KNDC1: variants seen among roughly 807,000 people sequenced by gnomAD.
KNDC1 encodes kinase non-catalytic C-lobe domain containing 1.
In KNDC1, 106 loss-of-function variants were observed where a neutral mutation model predicts 172.8. That is an observed-to-expected ratio of 0.61 (90% CI 0.52 to 0.72). The LOEUF is 0.72. Among genes scored for constraint, KNDC1 ranks in the 30% least tolerant of loss-of-function variants. The pLI, the probability that KNDC1 is intolerant of heterozygous loss-of-function variation, is 0.00. For synonymous variants in KNDC1, 1,083 were observed against 1,062.2 expected, an observed-to-expected ratio of 1.02 and a Z score of -0.38; for missense variants, 2,325 against 2,394.5, an observed-to-expected ratio of 0.97 and a Z score of 0.61.
At chr10:133,214,253 A>G (rs2136026223) in intron 26 of KNDC1, 131 bp downstream of exon 26, 1 of 965,368 alleles carries the variant, frequency 1.0e-6, no homozygotes. Context: ...GTCCCTTGGA[A>G]CCACACCCGA....
rs1385069726 is a variant in KNDC1 at position 133,160,467 on chromosome 10, G to A, written c.-1G>A. ...GGGGCGGTGCGCGGCGCGGCCGCAG[G>A]ATGCAGGCCATGGACCCGGCCGCGG... On this transcript the variant is annotated 5_prime_UTR_variant, in exon 1 of 30. Transcript: ENST00000304613. 2 of 1,544,872 alleles carry A rather than the reference G, an allele frequency of 1.3e-6. No homozygotes were observed. Among genetic ancestry groups the A allele is most frequent in the Non-Finnish European group, 1.7e-6 (2 of 1,147,450 alleles).
chr10:133,166,461 GTC>G (rs1244211384), intron 1 of KNDC1, among the ~76,000 whole-genome samples: 1 of 152,116 alleles, frequency 6.6e-6, no homozygotes, highest in East Asian at 1.9e-4. Flanking sequence ...GGGTGTGCAT[GTC>G]TGTGCGTGCA....
intron 3 of KNDC1, among the ~76,000 whole-genome samples, chr10:133,181,602 A>G (rs1032954349): frequency 1.6e-4 from 25 of 152,284 alleles, no homozygotes; most frequent in African/African-American, 4.6e-4. Flanking sequence ...GGGAGAGGGT[A>G]GAGGAGAAGC....
At chr10:133,216,092 AT>A (rs1845464559) in intron 26 of KNDC1, among the ~76,000 whole-genome samples, 1 of 152,246 alleles carries the variant, frequency 6.6e-6, no homozygotes. Context: ...TGAGTTTCAC[AT>A]TTGTAAATTC....
At chr10:133,182,112 CAG>C (rs1403771258) in intron 3 of KNDC1, among the ~76,000 whole-genome samples, 1 of 152,120 alleles carries the variant, frequency 6.6e-6, no homozygotes. Context: ...CAGACCCTGA[CAG>C]AGAGGGGGAG....
At chr10:133,177,495 T>C (rs1180085522) in intron 3 of KNDC1, among the ~76,000 whole-genome samples, 1 of 151,920 alleles carries the variant, frequency 6.6e-6, no homozygotes, top group African/African-American at 2.4e-5. Flanking sequence ...TAGTATGGTG[T>C]GTGTCATGGT....
rs1564897350 is a variant in KNDC1 at position 133,209,792 on chromosome 10, C to T, written c.3795-819C>T. ...GACCCCAGGTGAGTGGGTGACCAGG[C>T]CCCTTGTTCCAGGGCCACGCCATCT... On this transcript the variant is annotated intron_variant, in intron 20 of 29. Coordinates refer to ENST00000304613, the MANE Select transcript of KNDC1 (RefSeq NM_152643.8). The surrounding 1 kb of genome is among the most constrained non-coding windows in gnomAD (Gnocchi z 4.9). Among the ~76,000 whole-genome samples, 1 of 152,116 alleles carries T rather than the reference C, an allele frequency of 6.6e-6. No individual in the cohort carries two copies. Among genetic ancestry groups the T allele is most frequent in the African/African-American group, 2.4e-5 (1 of 41,470 alleles).
chr10:133,213,560 ACACC>A, intron 24 of KNDC1, 81 bp from the exon 25 acceptor site: 1 of 1,193,854 alleles, frequency 8.4e-7, no homozygotes, highest in Middle Eastern at 1.9e-4. Context: ...CCCCCAGAAA[ACACC>A]CACCCTCCCT....
At chr10:133,184,825 G>A (rs547082746) in intron 5 of KNDC1, among the ~76,000 whole-genome samples, 1 of 152,394 alleles carries the variant, frequency 6.6e-6, no homozygotes, top group East Asian at 1.9e-4. Flanking sequence ...AGGCATCTGG[G>A]TGTTAGTCTC....
At chr10:133,181,066 C>T (rs2135968355) in intron 3 of KNDC1, among the ~76,000 whole-genome samples, 1 of 152,310 alleles carries the variant, frequency 6.6e-6, no homozygotes, top group South Asian at 2.1e-4. Context: ...GACATGGCTG[C>T]ACAGATGCCA....
intron 4 of KNDC1, 137 bp from the exon 5 acceptor site, chr10:133,183,735 A>G: frequency 1.2e-6 from 1 of 814,822 alleles, no homozygotes; most frequent in South Asian, 1.9e-5. Flanking sequence ...CATACTAGAA[A>G]ATGGGCAAGG....
intron 3 of KNDC1, among the ~76,000 whole-genome samples, chr10:133,172,419 T>G (rs1853403979): frequency 6.6e-6 from 1 of 152,252 alleles, no homozygotes; most frequent in Non-Finnish European, 1.5e-5. Context: ...AAACCTAAAT[T>G]GGGCAAGTGT....
intron 5 of KNDC1, 55 bp from the exon 6 acceptor site, chr10:133,185,919 A>AGAGGGGAGGGGCGGGAGGG: frequency 1.6e-6 from 1 of 634,002 alleles, no homozygotes; most frequent in Non-Finnish European, 2.1e-6. Flanking sequence ...GGGCGGGAGG[A>AGAGGGGAGGGGCGGGAGGG]GAGGGGAGGG....
At position 133,216,282 on chromosome 10, in the gene KNDC1, G is replaced by GGGTCGGTT. The variant is rs529351401; in HGVS notation, c.4677+2161_4677+2162insGTCGGTTG. ...CACCTGAAGAAAATGGGGGGTCGGTGGTTCCGTTCAGACAATGTCTTGGTG... is the reference window on the plus strand; with the variant it reads ...CACCTGAAGAAAATGGGGGGTCGGTGGGTCGGTTGTTCCGTTCAGACAATGTCTTGGTG... On this transcript the variant is annotated intron_variant, in intron 26 of 29. Coordinates refer to ENST00000304613, the MANE Select transcript of KNDC1 (RefSeq NM_152643.8). Among the ~76,000 whole-genome samples, 28 of 152,238 alleles carry GGGTCGGTT rather than the reference G, an allele frequency of 1.8e-4. No individual in the cohort carries two copies. In the South Asian group the frequency reaches 5.8e-3, roughly 32 times the overall value.
chr10:133,193,080 C>T (rs1413576872), intron 9 of KNDC1, among the ~76,000 whole-genome samples: 1 of 144,900 alleles, frequency 6.9e-6, no homozygotes, highest in Admixed American at 7.1e-5. Context: ...AGAGAAACAG[C>T]AGCTTACATA....
At chr10:133,166,402 G>A (rs1306375392) in intron 1 of KNDC1, among the ~76,000 whole-genome samples, 1 of 152,212 alleles carries the variant, frequency 6.6e-6, no homozygotes, top group African/African-American at 2.4e-5. Flanking sequence ...GTGCAGCCTT[G>A]TGTGTTCCTG....
chr10:133,189,316 G>T (rs993053055), intron 7 of KNDC1, among the ~76,000 whole-genome samples: 1 of 152,168 alleles, frequency 6.6e-6, no homozygotes, highest in African/African-American at 2.4e-5. Context: ...TCAAGTTACC[G>T]TGTTCTCCCT....
intron 1 of KNDC1, among the ~76,000 whole-genome samples, chr10:133,161,818 G>C (rs779485047): frequency 4.6e-5 from 7 of 152,196 alleles, no homozygotes; most frequent in African/African-American, 1.7e-4. Flanking sequence ...CCCTGAGGAC[G>C]CAGCTCTTCC....
rs1279682191 is a variant in KNDC1 at position 133,201,660 on chromosome 10, C to T, written c.3149C>T (p.Ala1050Val). 8 of 1,612,774 alleles carry T rather than the reference C, an allele frequency of 5.0e-6. No homozygotes were observed. The highest frequency in any genetic ancestry group is 2.2e-5 in the East Asian group (1 of 44,894). Residue 1050 changes from alanine (A) to valine (V), a missense_variant, in exon 17 of 30, where the codon GCT becomes GTT. By Grantham distance (64) the Ala-to-Val change is moderately conservative. Transcript: ENST00000304613. Reference protein sequence around the residue: ...VKAERAQQPEAGEDRRPAGGA... With the variant: ...VKAERAQQPEVGEDRRPAGGA... ...GCCGAGAGAGCGCAGCAGCCTGAGG[C>T]TGGCGAGGACAGACGGCCAGCTGGC...
Sources: gnomAD v4.1 joint callset for allele counts (sites outside exome capture counted in the v4.1 genomes callset) on GRCh38, gnomAD v4.1.1 for gene constraint, Gnocchi (gnomAD v3.1) non-coding constraint, MANE v1.5 for transcripts, NCBI Gene and HGNC (gene_info 2026-07-23, HGNC 2026-07-21) for gene names.